The following SPMAP2 variants were observed in gnomAD, a reference collection of about 807,000 sequenced individuals.
SPMAP2 encodes the protein sperm microtubule associated protein 2.
the SPMAP2 span, among the ~76,000 whole-genome samples, chr19:369,282 G>A: frequency 6.6e-6 from 1 of 152,266 alleles, no homozygotes. Context: ...AAACCAACAA[G>A]CAAGAAAGCA....
the SPMAP2 span, among the ~76,000 whole-genome samples, chr19:368,749 T>C: frequency 1.3e-5 from 2 of 152,162 alleles, no homozygotes; most frequent in African/African-American, 4.8e-5. The surrounding 1 kb of genome is among the most constrained non-coding windows in gnomAD (Gnocchi z 4.1). Context: ...AGCAAAGATA[T>C]TGTGGTGTTT....
chr19:369,518 A>G, the SPMAP2 span, among the ~76,000 whole-genome samples: 2 of 152,106 alleles, frequency 1.3e-5, no homozygotes, highest in South Asian at 4.1e-4. Flanking sequence ...TGCTTGGAGA[A>G]TGCAAGACGG....
the SPMAP2 span, among the ~76,000 whole-genome samples, chr19:364,585 C>T: frequency 6.6e-6 from 1 of 151,990 alleles, no homozygotes; most frequent in African/African-American, 2.4e-5. Flanking sequence ...GAGCTCAAGT[C>T]TCCTCACTCT....
chr19:371,345 ACCAGCAGCTCGG>A, the SPMAP2 span: 1 of 1,376,322 alleles, frequency 7.3e-7, no homozygotes. Flanking sequence ...CCCATTTTAG[ACCAGCAGCTCGG>A]CCGGGGGTGG....
chr19:373,808 AGCCCC>A, the SPMAP2 span: 4 of 874,092 alleles, frequency 4.6e-6, no homozygotes, highest in Non-Finnish European at 5.5e-6. Context: ...AAGGGTGGAG[AGCCCC>A]ACATCTGAGG....
the SPMAP2 span, chr19:366,935 C>A: frequency 2.8e-6 from 3 of 1,075,250 alleles, no homozygotes; most frequent in African/African-American, 1.7e-5. Context: ...CCGGACCACA[C>A]GTCCCTGTGA....
the SPMAP2 span, chr19:374,355 C>G: frequency 1.2e-6 from 2 of 1,614,144 alleles, no homozygotes; most frequent in South Asian, 2.2e-5. Context: ...TGAGCCTCCT[C>G]CGCCTCCTCC....
the SPMAP2 span, chr19:373,598 G>T: frequency 6.5e-7 from 1 of 1,540,538 alleles, no homozygotes; most frequent in Non-Finnish European, 8.9e-7. Context: ...AAACAAGCCT[G>T]GGTCTCTGCC....
chr19:373,817 T>A, the SPMAP2 span: 18 of 963,162 alleles, frequency 1.9e-5, no homozygotes, highest in Non-Finnish European at 2.6e-5. Flanking sequence ...GAGCCCCACA[T>A]CTGAGGAGCC....
chr19:362,299 G>T, the SPMAP2 span: 1 of 1,607,778 alleles, frequency 6.2e-7, no homozygotes, highest in Non-Finnish European at 8.5e-7. Flanking sequence ...CCTCGTTGAG[G>T]CCCTTGCGCA....
chr19:370,647 G>A, the SPMAP2 span, among the ~76,000 whole-genome samples: 1 of 152,166 alleles, frequency 6.6e-6, no homozygotes, highest in Non-Finnish European at 1.5e-5. Flanking sequence ...ACCGCGCCCG[G>A]CGTATTCACA....
the SPMAP2 span, among the ~76,000 whole-genome samples, chr19:370,935 G>A: frequency 4.3e-4 from 66 of 152,316 alleles, no homozygotes; most frequent in Middle Eastern, 3.4e-3. Flanking sequence ...AGAGATGAGC[G>A]CTTTCTGAAC....
the SPMAP2 span, chr19:362,291 T>C: frequency 6.2e-7 from 1 of 1,604,808 alleles, no homozygotes; most frequent in Admixed American, 1.7e-5. Context: ...GTCGTATCCC[T>C]CGTTGAGGCC....
the SPMAP2 span, among the ~76,000 whole-genome samples, chr19:374,837 G>T: frequency 2.0e-5 from 3 of 152,264 alleles, no homozygotes; most frequent in Admixed American, 2.0e-4. Flanking sequence ...CTCCCAGAAA[G>T]CTCACAGACT....
At chr19:362,241 C>CT in the SPMAP2 span, 1 of 1,572,526 alleles carries the variant, frequency 6.4e-7, no homozygotes, top group South Asian at 1.2e-5. Flanking sequence ...TCTGGTGATG[C>CT]TTTTGGGGGT....
the SPMAP2 span, chr19:375,532 G>A: frequency 1.3e-4 from 129 of 1,030,120 alleles, no homozygotes; most frequent in Middle Eastern, 1.5e-3. Flanking sequence ...CGGGCCCCTC[G>A]GGAGCAGCGA....
the SPMAP2 span, among the ~76,000 whole-genome samples, chr19:365,955 AC>A: frequency 1.3e-5 from 2 of 152,316 alleles, no homozygotes; most frequent in East Asian, 3.9e-4. Flanking sequence ...AGCCTGGCCA[AC>A]ATGGTGAAAA....
At chr19:372,504 C>A in the SPMAP2 span, 7 of 914,636 alleles carry the variant, frequency 7.7e-6, no homozygotes, top group Admixed American at 2.1e-5. Context: ...AGGCCAGCCC[C>A]GTCTGAACAC....
At chr19:374,690 G>T in the SPMAP2 span, 3 of 515,898 alleles carry the variant, frequency 5.8e-6, no homozygotes, top group African/African-American at 5.7e-5. Flanking sequence ...AATTGGAGGT[G>T]AGACCAGCTC....
Sources: allele counts gnomAD v4.1 joint callset (sites outside exome capture counted in the v4.1 genomes callset), GRCh38; gene constraint gnomAD v4.1.1; non-coding constraint Gnocchi (gnomAD v3.1); transcripts MANE v1.5; gene names NCBI Gene and HGNC (gene_info 2026-07-23, HGNC 2026-07-21).